ACYP2: variants seen among roughly 807,000 people sequenced by gnomAD.
The protein encoded by ACYP2 is acylphosphatase-2.
Under a neutral mutation model 11.2 loss-of-function variants are expected in ACYP2, and 12 were observed. The observed-to-expected ratio is 1.08, with a 90% CI of 0.69 to 1.74. The LOEUF is 1.74. Among genes scored for constraint, ACYP2 ranks in the 40% most tolerant of loss-of-function variants. The pLI, the probability that ACYP2 is intolerant of heterozygous loss-of-function variation, is 0.00. For missense variants in ACYP2, 134 were observed against 101.9 expected, an observed-to-expected ratio of 1.31 and a Z score of -1.35; for synonymous variants, 43 against 32.2, an observed-to-expected ratio of 1.33 and a Z score of -1.13.
chr2:54,084,896 T>G (rs1374741258), intron 4 of ACYP2: 1 of 152,164 alleles, frequency 6.6e-6, no homozygotes, highest in Non-Finnish European at 1.5e-5. Context: ...ATGGACCGTA[T>G]AGTAGATGAT....
chr2:54,081,872 G>A (rs1468351741), intron 4 of ACYP2, among the ~76,000 whole-genome samples: 1 of 152,174 alleles, frequency 6.6e-6, no homozygotes, highest in Non-Finnish European at 1.5e-5. Flanking sequence ...CATGACTGGC[G>A]GTTGGCTGGC....
chr2:54,221,726 TG>T (rs558153946), intron 6 of ACYP2, among the ~76,000 whole-genome samples: 9 of 152,132 alleles, frequency 5.9e-5, no homozygotes, highest in African/African-American at 1.9e-4. Flanking sequence ...TTCACCATGT[TG>T]GCCAGGCTGG....
intron 6 of ACYP2, among the ~76,000 whole-genome samples, chr2:54,230,977 C>A (rs1303041762): frequency 6.6e-6 from 1 of 151,552 alleles, no homozygotes; most frequent in Admixed American, 6.6e-5. Context: ...ATTACAGGCG[C>A]CTGCCACCAC....
rs537684312 is a variant in ACYP2, at chr2:54,272,475, A to C, written c.405-32213A>C. 2.0e-5 allele frequency among the ~76,000 whole-genome samples: 3 copies of C among 152,296 alleles called. No homozygotes were observed. The East Asian group carries it at 5.8e-4, about 29-fold the overall frequency. On this transcript the variant is annotated intron_variant, in intron 6 of 6. Transcript: ENST00000607452. ...TAGGTCATAGTAAGTCTAATGTGAAAGTAATCCTGAAGGTAGTCTATGTTC... is the reference window on the plus strand; with the variant it reads ...TAGGTCATAGTAAGTCTAATGTGAACGTAATCCTGAAGGTAGTCTATGTTC...
chr2:54,037,869 T>A (rs1378191499), intron 2 of ACYP2, among the ~76,000 whole-genome samples: 1 of 152,182 alleles, frequency 6.6e-6, no homozygotes, highest in Non-Finnish European at 1.5e-5. Context: ...TAAATATCAA[T>A]AAACTATGAG....
chr2:54,129,603 A>G (rs1034692748), intron 4 of ACYP2, among the ~76,000 whole-genome samples: 2 of 150,072 alleles, frequency 1.3e-5, no homozygotes, highest in African/African-American at 2.4e-5. Context: ...ACTATCTATT[A>G]TATATAATAG....
intron 4 of ACYP2, chr2:54,115,674 C>T: frequency 6.2e-7 from 1 of 1,607,956 alleles, no homozygotes; most frequent in Non-Finnish European, 8.5e-7. Flanking sequence ...CTCTCCGGCT[C>T]CTCAACAGAG....
intron 2 of ACYP2, among the ~76,000 whole-genome samples, chr2:53,996,418 G>A (rs1373614266): frequency 3.3e-5 from 5 of 152,180 alleles, no homozygotes; most frequent in Non-Finnish European, 7.3e-5. Context: ...ATCTGTGAAA[G>A]GAAAGAGGGG....
chr2:54,230,735 T>C (rs1349868204), intron 6 of ACYP2, among the ~76,000 whole-genome samples: 1 of 151,328 alleles, frequency 6.6e-6, no homozygotes, highest in Non-Finnish European at 1.5e-5. Flanking sequence ...CCACCAATTG[T>C]CAACCAGAAG....
In ACYP2 at chr2:54,304,650, T is replaced by C. The variant is rs763852517; in HGVS notation, c.405-38T>C. On this transcript the variant is annotated intron_variant, in intron 6 of 6. Transcript: ENST00000607452. ...CATTTTAGCTGATCCATGTATACTT[T>C]GTATGCTAATTTTATTTATTTATCT... 4 of 1,476,338 alleles carry C rather than the reference T, an allele frequency of 2.7e-6. No homozygotes were observed. The South Asian group carries it at 4.6e-5, about 17-fold the overall frequency. 91.5% of individuals were successfully genotyped at this position (1,476,338 alleles called of 1,614,324 possible). A position where few individuals can be genotyped will look rare whatever the true frequency, so the allele number is the denominator to read the frequency against.
At chr2:54,077,004 AACACATAC>A (rs1456554529) in intron 4 of ACYP2, among the ~76,000 whole-genome samples, 1 of 151,852 alleles carries the variant, frequency 6.6e-6, no homozygotes, top group Non-Finnish European at 1.5e-5. Context: ...TTTTACTAAA[AACACATAC>A]ACATATAAAT....
chr2:54,255,852 C>T (rs6740641), intron 6 of ACYP2: 227,916 of 1,613,796 alleles, frequency 0.14, 16,408 homozygotes, highest in East Asian at 0.17. Flanking sequence ...AGGCAGAGGC[C>T]GCTTCTAGGC....
chr2:54,287,070 A>G (rs1689109234), intron 6 of ACYP2, among the ~76,000 whole-genome samples: 1 of 152,040 alleles, frequency 6.6e-6, no homozygotes, highest in Non-Finnish European at 1.5e-5. Context: ...TTGTGCTGCT[A>G]TAACAAAATA....
intron 6 of ACYP2, among the ~76,000 whole-genome samples, chr2:54,165,919 A>T (rs1477067086): frequency 6.6e-6 from 1 of 152,210 alleles, no homozygotes; most frequent in Non-Finnish European, 1.5e-5. Flanking sequence ...CCATGTAAGC[A>T]TATTGAATCA....
Position 54,216,221 on chromosome 2 carries a change from C to T in ACYP2, c.404+77473C>T, listed in dbSNP as rs532293209. Among the ~76,000 whole-genome samples the T allele has an allele frequency of 2.0e-5, 3 of 152,100 alleles. No individual in the cohort carries two copies. In the South Asian group the frequency reaches 6.2e-4, roughly 32 times the overall value. On this transcript the variant is annotated intron_variant, in intron 6 of 6. Transcript: ENST00000607452. ...TGTCCCTAAACTTTTATATTTAGTT[C>T]TATGATCTATTTCTGTGCCAGATTT... is the stretch of plus-strand genomic sequence containing the variant.
chr2:54,004,629 C>G (rs1375807926), intron 2 of ACYP2, among the ~76,000 whole-genome samples: 2 of 150,922 alleles, frequency 1.3e-5, no homozygotes, highest in Admixed American at 6.6e-5. Flanking sequence ...CCAGGATGGT[C>G]TTGATCTCCT....
chr2:54,150,103 G>C (rs1215093852), intron 6 of ACYP2, among the ~76,000 whole-genome samples: 1 of 152,188 alleles, frequency 6.6e-6, no homozygotes, highest in Non-Finnish European at 1.5e-5. Context: ...GTCTAGATCA[G>C]GGATTGGCAA....
intron 6 of ACYP2, among the ~76,000 whole-genome samples, chr2:54,176,846 C>A (rs536849919): frequency 7.2e-5 from 11 of 152,278 alleles, no homozygotes; most frequent in South Asian, 6.2e-4. Context: ...TCAGTTTGGA[C>A]AACTCTGAAG....
rs888128600 is a variant in ACYP2, at chr2:54,161,847, A to G, written c.404+23099A>G. 2.6e-5 allele frequency among the ~76,000 whole-genome samples: 4 copies of G among 152,174 alleles called. No individual in the cohort carries two copies. The East Asian group carries it at 7.7e-4, about 29-fold the overall frequency. ...GCTTTGTTATTTGTGTGTATAAGTAATAACCCTTTTTTCAAACTCTAGATG... is the reference window on the plus strand; with the variant it reads ...GCTTTGTTATTTGTGTGTATAAGTAGTAACCCTTTTTTCAAACTCTAGATG... On this transcript the variant is annotated intron_variant, in intron 6 of 6. Transcript: ENST00000607452.
Sources: allele counts gnomAD v4.1 joint callset (sites outside exome capture counted in the v4.1 genomes callset), GRCh38; gene constraint gnomAD v4.1.1; transcripts MANE v1.5; gene names NCBI Gene and HGNC (gene_info 2026-07-23, HGNC 2026-07-21).